Variants in SYNCRIP observed in about 807,000 individuals in gnomAD.
SYNCRIP encodes the protein synaptotagmin binding cytoplasmic RNA interacting protein, also known as heterogeneous nuclear ribonucleoprotein Q.
Under a neutral mutation model 68.9 loss-of-function variants are expected in SYNCRIP, and 9 were observed. The ratio of observed to expected loss-of-function variants is 0.13; its 90% CI spans 0.08 to 0.23. SYNCRIP has a LOEUF of 0.23. Ranked by LOEUF, SYNCRIP falls within the 10% of genes least tolerant of loss-of-function variation. The pLI, the probability that SYNCRIP is intolerant of heterozygous loss-of-function variation, is 1.00. For missense variants in SYNCRIP, 414 were observed against 770.6 expected (o/e 0.54, Z 5.48); for synonymous variants, 258 against 254.0 (o/e 1.02, Z -0.15).
At chr6:85,636,895 G>T in intron 6 of SYNCRIP, 72 bp downstream of exon 6, 2 of 1,422,456 alleles carry the variant, frequency 1.4e-6, no homozygotes, top group Non-Finnish European at 1.9e-6. Flanking sequence ...AAACTCTTAG[G>T]CACACTAAGA....
chr6:85,609,367 AGCTT>A (rs1457908201), downstream of SYNCRIP: 2 of 151,944 alleles, frequency 1.3e-5, no homozygotes, highest in East Asian at 3.8e-4. Flanking sequence ...TTGCCTATCT[AGCTT>A]GATGTTCATT....
intron 6 of SYNCRIP, among the ~76,000 whole-genome samples, chr6:85,628,201 G>A (rs1807284818): frequency 6.6e-6 from 1 of 151,940 alleles, no homozygotes; most frequent in African/African-American, 2.4e-5. Context: ...GACCACAGGC[G>A]TGTGCCACCA....
Position 85,623,562 on chromosome 6 carries a change from C to CCAAAAAAAAA in SYNCRIP, c.802+414_802+415insTTTTTTTTTG, listed in dbSNP as rs572909849. Reference sequence around the variant, plus strand: ...CTGGGCAACAAAGCAAGACTGTCTCCAAAAAAAAAAAAAAAAAAAAACACT... The same window carrying CCAAAAAAAAA: ...CTGGGCAACAAAGCAAGACTGTCTCCCAAAAAAAAAAAAAAAAAAAAAAAAAAAAAACACT... On this transcript the variant is annotated intron_variant, in intron 7 of 10. Transcript: ENST00000369622. 1.2e-3 allele frequency among the ~76,000 whole-genome samples: 74 copies of CCAAAAAAAAA among 63,258 alleles called. 11 individuals carry two copies. The highest frequency in any genetic ancestry group is 8.2e-3 in the Middle Eastern group (1 of 122). The allele number at this position is 63,258 out of a possible 152,430, so 41.5% of individuals were successfully genotyped here. A position where few individuals can be genotyped will look rare whatever the true frequency, so the allele number is the denominator to read the frequency against.
At chr6:85,633,670 C>T (rs1008597857) in intron 6 of SYNCRIP, among the ~76,000 whole-genome samples, 3 of 152,122 alleles carry the variant, frequency 2.0e-5, no homozygotes, top group African/African-American at 7.2e-5. Context: ...CAATACCTAC[C>T]ATTGGAAATT....
intron 8 of SYNCRIP, 42 bp downstream of exon 8, chr6:85,622,440 C>T (rs1314444278): frequency 6.3e-7 from 1 of 1,585,838 alleles, no homozygotes; most frequent in Admixed American, 1.7e-5. Flanking sequence ...GCCCTTCTCC[C>T]ATTAATCCCT....
At position 85,619,274 on chromosome 6, in the gene SYNCRIP, A is replaced by G. The variant is rs750710282; in HGVS notation, c.1152T>C (p.Ala384=). ...GTAATTCCACCATATTTACCTTGAC[A>G]GCACCATCTCGCTCATCAAAATGAA... The part of the protein sequence containing the change: ...AFIHFDERDG[A]VKAMEEMNGK... Residue 384 remains alanine, a synonymous_variant, in exon 9 of 11, where the codon GCT becomes GCC. Transcript: ENST00000369622. 1 of 1,613,850 alleles carries G rather than the reference A, an allele frequency of 6.2e-7. No individual in the cohort carries two copies. The highest frequency in any genetic ancestry group is 2.2e-5 in the East Asian group (1 of 44,850).
chr6:85,623,847 A>G, intron 7 of SYNCRIP, 130 bp downstream of exon 7: 1 of 1,137,368 alleles, frequency 8.8e-7, no homozygotes, highest in South Asian at 1.5e-5. Flanking sequence ...GGGGTTACCT[A>G]CACTTCAAAA....
chr6:85,619,481 C>A, intron 8 of SYNCRIP, 64 bp from the exon 9 acceptor site: 1 of 1,421,146 alleles, frequency 7.0e-7, no homozygotes, highest in Non-Finnish European at 9.6e-7. Context: ...GATACCACCA[C>A]CCCACCCTAC....
At chr6:85,634,671 C>T (rs570850008) in intron 6 of SYNCRIP, among the ~76,000 whole-genome samples, 4 of 152,228 alleles carry the variant, frequency 2.6e-5, no homozygotes, top group African/African-American at 9.6e-5. Context: ...AGAGAGCCCA[C>T]TGTATTAGCT....
At chr6:85,622,012 A>G (rs1447570215) in intron 8 of SYNCRIP, among the ~76,000 whole-genome samples, 2 of 152,132 alleles carry the variant, frequency 1.3e-5, no homozygotes. Context: ...TGGTATTTCC[A>G]GTGCGCACTG....
intron 6 of SYNCRIP, among the ~76,000 whole-genome samples, chr6:85,632,453 T>C (rs529074276): frequency 1.2e-4 from 19 of 152,294 alleles, no homozygotes; most frequent in African/African-American, 3.8e-4. Context: ...GTATGCGCCC[T>C]TGAGGAACAT....
intron 6 of SYNCRIP, among the ~76,000 whole-genome samples, chr6:85,632,344 T>C (rs768493736): frequency 6.6e-6 from 1 of 152,144 alleles, no homozygotes; most frequent in Admixed American, 6.5e-5. Context: ...AACATTTAGT[T>C]ATATATAACT....
At chr6:85,612,623 A>T (rs1407237368), downstream of SYNCRIP, 1 of 318,202 alleles carries the variant, frequency 3.1e-6, no homozygotes, top group Admixed American at 4.8e-5. Flanking sequence ...AGGAGTTATG[A>T]AGGATTTCTG....
At chr6:85,620,628 G>C (rs112931638) in intron 8 of SYNCRIP, among the ~76,000 whole-genome samples, 1 of 152,286 alleles carries the variant, frequency 6.6e-6, no homozygotes, top group African/African-American at 2.4e-5. Flanking sequence ...TCTAGAGTGA[G>C]ACCTCATGTA....
chr6:85,629,540 A>AAAG (rs1242608908), intron 6 of SYNCRIP, among the ~76,000 whole-genome samples: 1 of 148,840 alleles, frequency 6.7e-6, no homozygotes, highest in Non-Finnish European at 1.5e-5. Context: ...AAAAAAAAAA[A>AAAG]GGGCCGGGTG....
rs772051296 is a variant in SYNCRIP, at chr6:85,636,952, A to G, written c.666+15T>C. On this transcript the variant is annotated intron_variant, in intron 6 of 10. Coordinates refer to ENST00000369622, the MANE Select transcript of SYNCRIP (RefSeq NM_006372.5). ...AGTGAACGTGAAAACTGAAGGGGAAAAAAGGACAACTTACCAGTTTAACAG... is the reference window on the plus strand; with the variant it reads ...AGTGAACGTGAAAACTGAAGGGGAAGAAAGGACAACTTACCAGTTTAACAG... The G allele has an allele frequency of 1.9e-6, 3 of 1,571,132 alleles. No homozygotes were observed. The South Asian group carries it at 3.6e-5, about 19-fold the overall frequency.
intron 6 of SYNCRIP, among the ~76,000 whole-genome samples, chr6:85,634,819 C>A (rs1431209870): frequency 6.6e-6 from 1 of 152,158 alleles, no homozygotes; most frequent in Middle Eastern, 3.2e-3. Flanking sequence ...GTGGCTCATG[C>A]CAGTAATCCT....
intron 6 of SYNCRIP, among the ~76,000 whole-genome samples, chr6:85,631,261 C>G (rs982482966): frequency 2.0e-5 from 3 of 148,242 alleles, no homozygotes; most frequent in African/African-American, 7.5e-5. Context: ...ACTGCTTGAA[C>G]CCAGGAGGCA....
intron 8 of SYNCRIP, among the ~76,000 whole-genome samples, chr6:85,621,539 G>A (rs1169288206): frequency 6.6e-6 from 1 of 151,290 alleles, no homozygotes; most frequent in Non-Finnish European, 1.5e-5. Context: ...CTTGAGCTTG[G>A]GGCTACAGTC....
Sources: allele counts gnomAD v4.1 joint callset (sites outside exome capture counted in the v4.1 genomes callset), GRCh38; gene constraint gnomAD v4.1.1; transcripts MANE v1.5; gene names NCBI Gene and HGNC (gene_info 2026-07-23, HGNC 2026-07-21).